TTBK2: variants seen among roughly 807,000 people sequenced by gnomAD.
The protein encoded by TTBK2 is tau-tubulin kinase 2.
A neutral mutation model predicts 110.8 loss-of-function variants in TTBK2; 28 were observed. That is an observed-to-expected ratio of 0.25 (90% CI 0.19 to 0.35). The LOEUF (loss-of-function observed/expected upper bound fraction) is 0.35. Among genes scored for constraint, TTBK2 ranks in the 10% least tolerant of loss-of-function variants. The pLI is 1.00. For missense variants in TTBK2, 1,369 were observed against 1,500.3 expected (o/e 0.91, Z 1.45); for synonymous variants, 532 against 527.3 (o/e 1.01, Z -0.12).
chr15:42,840,391 T>C lies in TTBK2; in HGVS notation c.260A>G (p.Asp87Gly), dbSNP rs761484791. 1 of 1,614,062 alleles carries C rather than the reference T, an allele frequency of 6.2e-7. No homozygotes were observed. The highest frequency in any genetic ancestry group is 8.5e-7 in the Non-Finnish European group (1 of 1,179,972). ...CTGCATGACCACATAGTTGAATCGA[T>C]CATTCCTCCCACAGCCAATAAATCT... Reference protein sequence around the residue: ...VCRFIGCGRNDRFNYVVMQLQ... With the variant: ...VCRFIGCGRNGRFNYVVMQLQ... The change falls in exon 4 of 15, where the codon GAT becomes GGT. Residue 87 changes from aspartate (D) to glycine (G), a missense_variant. Around this residue, in one of 4 missense-constraint regions of TTBK2, gnomAD observed 122 missense variants for 159.7 expected, o/e 0.76. Transcript: ENST00000267890.
rs760320746 is a variant in TTBK2 at position 42,775,606 on chromosome 15, T to C, written c.1527A>G (p.Glu509=). The C allele has an allele frequency of 1.9e-6, 3 of 1,614,084 alleles. No individual in the cohort carries two copies. The East Asian group carries it at 6.7e-5, about 36-fold the overall frequency. ...SRTDHIWHYD[E]EYLPDASKPA... ...GCTTGGAGGCATCTGGAAGATATTCTTCATCATAGTGCCAGATGTGGTCAG... is the reference window on the plus strand; with the variant it reads ...GCTTGGAGGCATCTGGAAGATATTCCTCATCATAGTGCCAGATGTGGTCAG... The change falls in exon 13 of 15, where the codon GAA becomes GAG. Residue 509 remains glutamate, a synonymous_variant. Transcript: ENST00000267890.
chr15:42,897,881 C>T (rs963494229), intron 1 of TTBK2, among the ~76,000 whole-genome samples: 3 of 150,554 alleles, frequency 2.0e-5, no homozygotes, highest in Non-Finnish European at 4.4e-5. Context: ...TTCCAATCAG[C>T]TTCACTACTC....
chr15:42,891,452 G>T (rs1895452449), intron 1 of TTBK2, among the ~76,000 whole-genome samples: 2 of 151,762 alleles, frequency 1.3e-5, no homozygotes, highest in African/African-American at 4.8e-5. Context: ...GGGATTACAG[G>T]CATGAGCCAC....
At chr15:42,791,017 A>G (rs907611916) in intron 10 of TTBK2, among the ~76,000 whole-genome samples, 8 of 151,948 alleles carry the variant, frequency 5.3e-5, no homozygotes, top group Non-Finnish European at 1.0e-4. Flanking sequence ...CCGAGTAGCT[A>G]GGGCTATAGG....
chr15:42,777,123 C>G lies in TTBK2; in HGVS notation c.1317G>C (p.Leu439=). Residue 439 remains leucine (L), a synonymous_variant, in exon 12 of 15, where the codon CTG becomes CTC. Coordinates refer to ENST00000267890, the MANE Select transcript of TTBK2 (RefSeq NM_173500.4). ...TGTGAATGGAACGTAACTTTCGCAC[C>G]AGTGGAATATCTCTGTCTGGCTGAG... The part of the protein sequence containing the change: ...EITQPDRDIP[L]VRKLRSIHSF... The G allele has an allele frequency of 6.2e-7, 1 of 1,614,164 alleles. No homozygotes were observed. The highest frequency in any genetic ancestry group is 8.5e-7 in the Non-Finnish European group (1 of 1,180,044).
At position 42,775,455 on chromosome 15, in the gene TTBK2, C is replaced by A. The variant is rs780631079; in HGVS notation, c.1678G>T (p.Asp560Tyr). 3.7e-6 allele frequency: 6 copies of A among 1,614,188 alleles called. No individual in the cohort carries two copies. The East Asian group carries it at 1.1e-4, about 30-fold the overall frequency. The change falls in exon 13 of 15, where the codon GAC (aspartate) becomes TAC (tyrosine). Residue 560 changes from aspartate (D) to tyrosine (Y), a missense_variant. Around this residue, in one of 4 missense-constraint regions of TTBK2, gnomAD observed 1,097 missense variants for 1,114.7 expected, o/e 0.98. Coordinates refer to ENST00000267890, the MANE Select transcript of TTBK2 (RefSeq NM_173500.4). The part of the protein sequence containing the change: ...KEWVIVDKEQ[D>Y]LQDFRTNEAV... ...TCATTTGTCCTAAAATCCTGAAGGT[C>A]CTGCTCCTTGTCCACAATCACCCAT...
intron 10 of TTBK2, among the ~76,000 whole-genome samples, chr15:42,786,215 AAAATAGTTC>A (rs576341953): frequency 1.3e-3 from 195 of 152,312 alleles, no homozygotes; most frequent in African/African-American, 4.5e-3. Context: ...AGTTTGGCCT[AAAATAGTTC>A]AAATAGTTCA....
Position 42,746,024 on chromosome 15 carries a change from G to C in TTBK2, c.3506C>G (p.Ser1169Cys), listed in dbSNP as rs1432805650. 6 of 1,614,048 alleles carry C rather than the reference G, an allele frequency of 3.7e-6. No individual in the cohort carries two copies. The African/African-American group carries it at 4.0e-5, about 11-fold the overall frequency. ...SLPRTSSSSP[S>C]RAGRPHHDQR... ...GTCATGGTGGGGCCGTCCAGCCCTA[G>C]ATGGTGAGGAACTAGACGTGCGAGG... The change falls in exon 15 of 15, where the codon TCT (serine) becomes TGT (cysteine). Residue 1169 changes from serine (S) to cysteine (C), a missense_variant. Ser to Cys is a moderately radical substitution (Grantham distance 112). Transcript: ENST00000267890.
chr15:42,871,731 T>C (rs1469234388), intron 3 of TTBK2: 2 of 275,530 alleles, frequency 7.3e-6, no homozygotes, highest in Admixed American at 6.5e-5. Context: ...TTTTCCAGTA[T>C]TGACAATAGG....
chr15:42,801,730 T>A (rs777652622), intron 9 of TTBK2: 16 of 842,168 alleles, frequency 1.9e-5, no homozygotes, highest in Non-Finnish European at 3.1e-5. Context: ...CTCCTCTTCA[T>A]ACAGCTGCCT....
At chr15:42,868,862 AAAATAAATAAATAAATAAAT>A (rs138092138) in intron 3 of TTBK2, among the ~76,000 whole-genome samples, 1 of 146,112 alleles carries the variant, frequency 6.8e-6, no homozygotes, top group African/African-American at 2.6e-5. Flanking sequence ...CCTTGTCTCA[AAAATAAATAAATAAATAAAT>A]AAATAAATAA....
chr15:42,905,411 CCACAGG>C (rs1182016313), intron 1 of TTBK2, among the ~76,000 whole-genome samples: 2 of 152,016 alleles, frequency 1.3e-5, no homozygotes, highest in Non-Finnish European at 2.9e-5. Flanking sequence ...GTAGCTGGGA[CCACAGG>C]CACACACCTA....
intron 1 of TTBK2, among the ~76,000 whole-genome samples, chr15:42,907,103 C>G (rs781159135): frequency 6.6e-6 from 1 of 151,462 alleles, no homozygotes; most frequent in Non-Finnish European, 1.5e-5. Flanking sequence ...AAATGTAAAT[C>G]AAAACCTCAC....
chr15:42,909,440 T>C (rs1567089998), intron 1 of TTBK2, among the ~76,000 whole-genome samples: 1 of 152,190 alleles, frequency 6.6e-6, no homozygotes, highest in Non-Finnish European at 1.5e-5. Context: ...GCCTCCCTCT[T>C]ATGAGCACCC....
intron 3 of TTBK2, among the ~76,000 whole-genome samples, chr15:42,863,408 T>C (rs1364664607): frequency 6.6e-6 from 1 of 152,122 alleles, no homozygotes; most frequent in Non-Finnish European, 1.5e-5. Context: ...TATAAAACAT[T>C]GCTGAAAGAA....
intron 3 of TTBK2, among the ~76,000 whole-genome samples, chr15:42,856,134 G>A (rs975553247): frequency 6.6e-6 from 1 of 152,160 alleles, no homozygotes; most frequent in Non-Finnish European, 1.5e-5. Flanking sequence ...AAGGAATTTA[G>A]AAGGAATCAG....
chr15:42,837,754 G>A (rs1346204375), intron 4 of TTBK2, among the ~76,000 whole-genome samples: 3 of 148,700 alleles, frequency 2.0e-5, no homozygotes, highest in Non-Finnish European at 4.4e-5. Flanking sequence ...GACTCAGAAA[G>A]ACCTTAAGAT....
In TTBK2 at chr15:42,800,724, C is replaced by CT. The variant is rs199708459; in HGVS notation, c.823-5924dup. On this transcript the variant is annotated intron_variant, in intron 9 of 14. Transcript: ENST00000267890. ...ATAGAGGGAAAGAAATGCATACAGT[C>CT]TTTTTTTTTGGCAGAGCTAGCCGAG... Among the ~76,000 whole-genome samples, 793 of 146,650 alleles carry CT rather than the reference C, an allele frequency of 5.4e-3. 13 individuals carry two copies. In the Middle Eastern group the frequency reaches 0.061, roughly 11 times the overall value.
intron 7 of TTBK2, among the ~76,000 whole-genome samples, chr15:42,812,080 TA>T (rs1567038095): frequency 6.6e-6 from 1 of 152,200 alleles, no homozygotes; most frequent in Non-Finnish European, 1.5e-5. Flanking sequence ...AGAGAACTCT[TA>T]AAAGCTATTT....
Sources: allele counts gnomAD v4.1 joint callset (sites outside exome capture counted in the v4.1 genomes callset), GRCh38; gene constraint gnomAD v4.1.1; regional missense constraint gnomAD v4.1.1; transcripts MANE v1.5; gene names NCBI Gene and HGNC (gene_info 2026-07-23, HGNC 2026-07-21).